WDR1: variants seen among roughly 807,000 people sequenced by gnomAD.
The protein encoded by WDR1 is WD repeat domain 1, also known as WD repeat-containing protein 1.
A neutral mutation model predicts 71.9 loss-of-function variants in WDR1; 21 were observed. That is an observed-to-expected ratio of 0.29 (90% confidence interval 0.21 to 0.42). WDR1 has a LOEUF of 0.42. Ranked by LOEUF, WDR1 falls within the 10% of genes least tolerant of loss-of-function variation. The pLI is 1.00. For synonymous variants in WDR1, 424 were observed against 347.4 expected (o/e 1.22, Z -2.45); for missense variants, 696 against 824.5 (o/e 0.84, Z 1.91).
chr4:10,113,336 G>A (rs1713507932), intron 2 of WDR1, among the ~76,000 whole-genome samples: 1 of 152,316 alleles, frequency 6.6e-6, no homozygotes, highest in Middle Eastern at 3.4e-3. Flanking sequence ...ACTCCAGCTT[G>A]GGCGACAGTA....
At chr4:10,093,408 G>A (rs906162399) in intron 5 of WDR1, among the ~76,000 whole-genome samples, 5 of 152,238 alleles carry the variant, frequency 3.3e-5, no homozygotes, top group Non-Finnish European at 7.3e-5. Flanking sequence ...TGACCTGCGA[G>A]GCTGGCTCTG....
intron 5 of WDR1, among the ~76,000 whole-genome samples, chr4:10,095,770 C>G (rs996171455): frequency 2.0e-5 from 3 of 152,208 alleles, no homozygotes; most frequent in Non-Finnish European, 1.5e-5. Flanking sequence ...GTGCAGCACG[C>G]AAGGGTCACT....
chr4:10,099,480 A>C (rs2241487), intron 3 of WDR1, among the ~76,000 whole-genome samples: 16,699 of 152,284 alleles, frequency 0.11, 1,166 homozygotes, highest in East Asian at 0.31. Flanking sequence ...CCAATATGCC[A>C]GGAAGTGGTT....
chr4:10,093,036 C>T (rs1341373915), intron 5 of WDR1: 2 of 1,287,962 alleles, frequency 1.6e-6, no homozygotes, highest in Non-Finnish European at 2.0e-6. Context: ...AATATGCTCC[C>T]TCTCACCACC....
chr4:10,103,888 T>C lies in WDR1; in HGVS notation c.229+8A>G. On this transcript the variant is annotated splice_region_variant and intron_variant, in intron 3 of 14. Transcript: ENST00000499869. ...CAGGTGTCCACGAGCCTTGCCCCCATACAGTACCTCCGGAGGCAATGTAGA... is the reference window on the plus strand; with the variant it reads ...CAGGTGTCCACGAGCCTTGCCCCCACACAGTACCTCCGGAGGCAATGTAGA... The C allele has an allele frequency of 2.7e-6, 4 of 1,490,478 alleles. No homozygotes were observed. Among genetic ancestry groups the C allele is most frequent in the Non-Finnish European group, 3.6e-6 (4 of 1,107,298 alleles). The allele number at this position is 1,490,478 out of a possible 1,614,324, so 92.3% of individuals were successfully genotyped here. A position where few individuals can be genotyped will look rare whatever the true frequency, so the allele number is the denominator to read the frequency against.
intron 5 of WDR1, chr4:10,092,671 T>C (rs1024975350): frequency 7.6e-6 from 2 of 264,612 alleles, no homozygotes; most frequent in Non-Finnish European, 1.5e-5. Flanking sequence ...GCTCCTGAAA[T>C]AGCCCCTTCA....
chr4:10,075,151 G>C lies in WDR1; in HGVS notation c.*227C>G, dbSNP rs1277822948. 9.1e-6 allele frequency: 5 copies of C among 549,596 alleles called. No individual in the cohort carries two copies. Among genetic ancestry groups the C allele is most frequent in the African/African-American group, 7.5e-5 (4 of 53,072 alleles). 34.0% of individuals were successfully genotyped at this position (549,596 alleles called of 1,614,324 possible). A position where few individuals can be genotyped will look rare whatever the true frequency, so the allele number is the denominator to read the frequency against. ...GGGTTTTAGTTATGCTCCACACATTGTTTAGGTGCTCGCTTTATTTTTCAT... is the reference window on the plus strand; with the variant it reads ...GGGTTTTAGTTATGCTCCACACATTCTTTAGGTGCTCGCTTTATTTTTCAT... On this transcript the variant is annotated 3_prime_UTR_variant, in exon 15 of 15. Coordinates refer to ENST00000499869, the MANE Select transcript of WDR1 (RefSeq NM_017491.5).
chr4:10,114,315 C>T (rs1210773699), intron 2 of WDR1, among the ~76,000 whole-genome samples: 3 of 152,206 alleles, frequency 2.0e-5, no homozygotes, highest in Non-Finnish European at 2.9e-5. Flanking sequence ...GTTTCACAAG[C>T]TGGGAAATGC....
At chr4:10,108,873 C>G (rs1474786693) in intron 2 of WDR1, among the ~76,000 whole-genome samples, 1 of 152,250 alleles carries the variant, frequency 6.6e-6, no homozygotes, top group Admixed American at 6.5e-5. Flanking sequence ...TGACTCCCAC[C>G]CCACTGCCCT....
chr4:10,101,763 T>C (rs954408675), intron 3 of WDR1, among the ~76,000 whole-genome samples: 4 of 152,364 alleles, frequency 2.6e-5, no homozygotes, highest in Middle Eastern at 3.4e-3. Context: ...GCACGGACAA[T>C]GTGCCAGGCA....
chr4:10,095,830 C>A (rs867684711), intron 5 of WDR1: 1 of 152,274 alleles, frequency 6.6e-6, no homozygotes, highest in East Asian at 1.9e-4. Context: ...CCGAGGGGGG[C>A]ACAGCCACCT....
At chr4:10,088,877 G>T in intron 5 of WDR1, 136 bp from the exon 6 acceptor site, 1 of 733,370 alleles carries the variant, frequency 1.4e-6, no homozygotes, top group Non-Finnish European at 2.3e-6. Flanking sequence ...AAATTTCAGA[G>T]CTTAAAAAAA....
Position 10,087,770 on chromosome 4 carries a change from G to C in WDR1, c.888C>G (p.Ser296=). The change falls in exon 8 of 15, where the codon TCC becomes TCG. Residue 296 remains serine (S), a synonymous_variant. Coordinates refer to ENST00000499869, the MANE Select transcript of WDR1 (RefSeq NM_017491.5). ...LWQKDHLLSV[S]LSGYINYLDR... ...CCAGATAGTTGATGTACCCGGACAGGGAGACACTGAGCAGGTGGTCCTTCT... is the reference window on the plus strand; with the variant it reads ...CCAGATAGTTGATGTACCCGGACAGCGAGACACTGAGCAGGTGGTCCTTCT... The C allele has an allele frequency of 6.2e-7, 1 of 1,602,202 alleles. No individual in the cohort carries two copies. Among genetic ancestry groups the C allele is most frequent in the Middle Eastern group, 1.7e-4 (1 of 6,056 alleles).
intron 10 of WDR1, 56 bp from the exon 11 acceptor site, chr4:10,081,500 A>T: frequency 6.6e-7 from 1 of 1,521,714 alleles, no homozygotes; most frequent in South Asian, 1.1e-5. Context: ...CAGGGTAGGT[A>T]TGCATACATA....
chr4:10,077,102 GC>G, intron 14 of WDR1: 2 of 724,290 alleles, frequency 2.8e-6, no homozygotes, highest in Non-Finnish European at 4.4e-6. Context: ...TGTGCATGGG[GC>G]CCCCGTGGTC....
intron 8 of WDR1, among the ~76,000 whole-genome samples, chr4:10,087,352 C>T (rs1578424372): frequency 6.6e-6 from 1 of 152,248 alleles, no homozygotes; most frequent in Non-Finnish European, 1.5e-5. Flanking sequence ...TGCCTGCAGT[C>T]GGGTAAAGCA....
intron 8 of WDR1, among the ~76,000 whole-genome samples, chr4:10,086,445 C>T (rs1711569132): frequency 6.6e-6 from 1 of 152,240 alleles, no homozygotes; most frequent in Admixed American, 6.5e-5. Flanking sequence ...TTGAGGTGAC[C>T]TGGTCCGTAG....
chr4:10,112,754 A>T (rs980111696), intron 2 of WDR1, among the ~76,000 whole-genome samples: 1 of 152,176 alleles, frequency 6.6e-6, no homozygotes, highest in African/African-American at 2.4e-5. Flanking sequence ...TATTATCTTC[A>T]CGACACAGCC....
At chr4:10,098,457 C>G (rs561715774) in intron 4 of WDR1, among the ~76,000 whole-genome samples, 1 of 152,284 alleles carries the variant, frequency 6.6e-6, no homozygotes, top group African/African-American at 2.4e-5. Context: ...GCAGGGGGGA[C>G]TCTGACTCTC....
Sources: gnomAD v4.1 joint callset for allele counts (sites outside exome capture counted in the v4.1 genomes callset) on GRCh38, gnomAD v4.1.1 for gene constraint, MANE v1.5 for transcripts, NCBI Gene and HGNC (gene_info 2026-07-23, HGNC 2026-07-21) for gene names.